SIRT3: variants seen among roughly 807,000 people sequenced by gnomAD.
SIRT3 encodes the protein sirtuin 3, also known as NAD-dependent protein deacetylase sirtuin-3, mitochondrial.
SIRT3 carries 26 observed loss-of-function variants against 33.5 expected under a neutral mutation model. The ratio of observed to expected loss-of-function variants is 0.78; its 90% confidence interval spans 0.57 to 1.08. The LOEUF (loss-of-function observed/expected upper bound fraction) is 1.08, where lower values mean the gene tolerates loss of function less well. Ranked by LOEUF, SIRT3 falls within the 50% of genes least tolerant of loss-of-function variation. SIRT3 has a pLI of 0.00. For missense variants in SIRT3, 585 were observed against 530.1 expected, an observed-to-expected ratio of 1.10 and a Z score of -1.02; for synonymous variants, 237 against 222.1, an observed-to-expected ratio of 1.07 and a Z score of -0.60.
Position 236,194 on chromosome 11 carries a change from A to G in SIRT3, c.135T>C (p.Asp45=), listed in dbSNP as rs1859071139. 1.9e-6 allele frequency: 3 copies of G among 1,561,220 alleles called. No homozygotes were observed. The highest frequency in any genetic ancestry group is 2.4e-5 in the East Asian group (1 of 41,334). Residue 45 remains aspartate (D), a synonymous_variant, in exon 1 of 7, where the codon GAT becomes GAC. Transcript: ENST00000382743. ...GCRLVLGGRD[D]VSAGLRGSHG... ...GGCTGCCTCTCAGCCCCGCACTCAC[A>G]TCGTCCCTGCCGCCAAGCACCAGCC...
In SIRT3 at chr11:233,548, A is replaced by G. The variant is rs754090978; in HGVS notation, c.282-14T>C. 1.2e-5 allele frequency: 20 copies of G among 1,613,020 alleles called. No homozygotes were observed. The East Asian group carries it at 2.9e-4, about 23-fold the overall frequency. ...CCACCTTTAATACTGACAGAAAAAA[A>G]CACAGCAGCAAAGGAAACAGATAGC... On this transcript the variant is annotated splice_polypyrimidine_tract_variant and intron_variant, in intron 1 of 6. Coordinates refer to ENST00000382743, the MANE Select transcript of SIRT3 (RefSeq NM_012239.6).
At chr11:232,039 T>C (rs968633461) in intron 3 of SIRT3, among the ~76,000 whole-genome samples, 8 of 152,246 alleles carry the variant, frequency 5.3e-5, no homozygotes, top group Non-Finnish European at 7.4e-5. Context: ...ACAGACTAAG[T>C]GTGACCATAT....
intron 4 of SIRT3, among the ~76,000 whole-genome samples, chr11:225,170 TC>T: frequency 6.6e-6 from 1 of 152,064 alleles, no homozygotes; most frequent in Non-Finnish European, 1.5e-5. Context: ...TCCCAGGACT[TC>T]GGGAGGCCGA....
chr11:235,204 CTT>C (rs11320697), intron 1 of SIRT3, among the ~76,000 whole-genome samples: 23,632 of 150,796 alleles, frequency 0.16, 2,337 homozygotes, highest in Middle Eastern at 0.22. Flanking sequence ...AAACTTTTTT[CTT>C]TTTTTTTTCC....
rs943010097 is a variant in SIRT3 at position 236,187 on chromosome 11, C to T, written c.142G>A (p.Ala48Thr). The T allele has an allele frequency of 1.7e-5, 27 of 1,563,146 alleles. No individual in the cohort carries two copies. The highest frequency in any genetic ancestry group is 2.3e-5 in the Non-Finnish European group (27 of 1,157,152). ...LVLGGRDDVSAGLRGSHGARG... is the reference protein window; with the variant it reads ...LVLGGRDDVSTGLRGSHGARG... Reference sequence around the variant, plus strand: ...GCCCCATGGCTGCCTCTCAGCCCCGCACTCACATCGTCCCTGCCGCCAAGC... The same window carrying T: ...GCCCCATGGCTGCCTCTCAGCCCCGTACTCACATCGTCCCTGCCGCCAAGC... The change falls in exon 1 of 7, where the codon GCG (alanine) becomes ACG (threonine). Residue 48 changes from alanine to threonine, a missense_variant. By Grantham distance (58) the Ala-to-Thr change is moderately conservative. Coordinates refer to ENST00000382743, the MANE Select transcript of SIRT3 (RefSeq NM_012239.6).
intron 1 of SIRT3, 127 bp downstream of exon 1, chr11:235,921 G>A (rs1030474094): frequency 9.7e-7 from 1 of 1,026,854 alleles, no homozygotes; most frequent in South Asian, 1.9e-5. Flanking sequence ...CATAAAGACG[G>A]AGGCCCCGGT....
At chr11:224,361 G>C in intron 4 of SIRT3, 122 bp from the exon 5 acceptor site, 1 of 1,022,630 alleles carries the variant, frequency 9.8e-7, no homozygotes, top group South Asian at 1.7e-5. Context: ...GAGGGATCAT[G>C]AACCCCCATG....
chr11:232,540 G>A (rs1175562809), intron 3 of SIRT3, among the ~76,000 whole-genome samples: 1 of 152,174 alleles, frequency 6.6e-6, no homozygotes, highest in African/African-American at 2.4e-5. Context: ...CTGGGGATTT[G>A]GAAGAAGGTG....
At chr11:235,390 G>A (rs1034624324) in intron 1 of SIRT3, among the ~76,000 whole-genome samples, 1 of 152,070 alleles carries the variant, frequency 6.6e-6, no homozygotes, top group Non-Finnish European at 1.5e-5. Flanking sequence ...ATTTTTGGTA[G>A]AGATGGGGGT....
At chr11:228,366 C>T (rs941338690) in intron 4 of SIRT3, among the ~76,000 whole-genome samples, 1 of 152,188 alleles carries the variant, frequency 6.6e-6, no homozygotes, top group Non-Finnish European at 1.5e-5. Flanking sequence ...ACTCACACTT[C>T]CTAATTTCAA....
At position 216,019 on chromosome 11, in the gene SIRT3, A is replaced by C. The variant is rs895511492; in HGVS notation, c.*679T>G. The C allele has an allele frequency of 2.0e-5, 3 of 152,714 alleles. No individual in the cohort carries two copies. The highest frequency in any genetic ancestry group is 7.2e-5 in the African/African-American group (3 of 41,438). The allele number at this position is 152,714 out of a possible 1,614,324, so 9.5% of individuals were successfully genotyped here. A position where few individuals can be genotyped will look rare whatever the true frequency, so the allele number is the denominator to read the frequency against. Reference sequence around the variant, plus strand: ...ACAGAATGTGACCACCTTCAGAGGGAGGAGCTGGGCCGTCTCCAATAAATC... The same window carrying C: ...ACAGAATGTGACCACCTTCAGAGGGCGGAGCTGGGCCGTCTCCAATAAATC... On this transcript the variant is annotated 3_prime_UTR_variant, in exon 7 of 7. Coordinates refer to ENST00000382743, the MANE Select transcript of SIRT3 (RefSeq NM_012239.6).
chr11:217,339 G>T (rs538415299), intron 6 of SIRT3, among the ~76,000 whole-genome samples: 11 of 152,288 alleles, frequency 7.2e-5, no homozygotes, highest in African/African-American at 2.4e-4. Context: ...AATCCCAGCT[G>T]CTCAGGAGGC....
chr11:235,909 A>T, intron 1 of SIRT3, 139 bp downstream of exon 1: 1 of 854,178 alleles, frequency 1.2e-6, no homozygotes. Context: ...TCCACAGATC[A>T]GCATAAAGAC....
rs11246009 is a variant in SIRT3 at position 223,733 on chromosome 11, T to A, written c.969+345A>T. 0.14 allele frequency: 115,592 copies of A among 818,558 alleles called. 11,662 individuals are homozygous for A. Among genetic ancestry groups the A allele is most frequent in the South Asian group, 0.33 (22,788 of 69,016 alleles). The allele number at this position is 818,558 out of a possible 1,614,324, so 50.7% of individuals were successfully genotyped here. On this transcript the variant is annotated intron_variant, in intron 5 of 6. Coordinates refer to ENST00000382743, the MANE Select transcript of SIRT3 (RefSeq NM_012239.6). The surrounding 1 kb of genome is among the most constrained non-coding windows in gnomAD (Gnocchi z 4.8). ...TGCACAGGCTGCTGCTCCCTCAGCC[T>A]GGAACCCCAGCTGAATCCATTCACC... is the stretch of plus-strand genomic sequence containing the variant.
At chr11:227,027 C>T (rs1277338109) in intron 4 of SIRT3, among the ~76,000 whole-genome samples, 10 of 151,606 alleles carry the variant, frequency 6.6e-5, no homozygotes, top group South Asian at 6.3e-4. Flanking sequence ...ACTGGGATTA[C>T]GGGCGTGAGC....
chr11:218,952 C>G lies in SIRT3; in HGVS notation c.1059G>C (p.Trp353Cys). ...INRDLVGPLA[W>C]HPRSRDVAQL... ...GGGCCACGTCCCTGCTGCGAGGATG[C>G]CAAGCCAAGGGCCCCACCAAGTCCC... Residue 353 changes from tryptophan (W) to cysteine (C), a missense_variant, in exon 6 of 7, where the codon TGG becomes TGC. Physicochemically the swap from Trp to Cys is radical, Grantham distance 215. Coordinates refer to ENST00000382743, the MANE Select transcript of SIRT3 (RefSeq NM_012239.6). 6.2e-7 allele frequency: 1 copy of G among 1,614,166 alleles called. No individual in the cohort carries two copies. The highest frequency in any genetic ancestry group is 8.5e-7 in the Non-Finnish European group (1 of 1,180,034).
intron 5 of SIRT3, among the ~76,000 whole-genome samples, chr11:219,800 T>C (rs6598071): frequency 0.79 from 119,121 of 151,552 alleles, 47,087 homozygotes; most frequent in African/African-American, 0.87. Context: ...GTTCTAGGCG[T>C]AAAAACTGAA....
At chr11:234,478 G>A (rs1858623949) in intron 1 of SIRT3, among the ~76,000 whole-genome samples, 1 of 151,888 alleles carries the variant, frequency 6.6e-6, no homozygotes, top group African/African-American at 2.4e-5. Flanking sequence ...GCAGTGTCGC[G>A]ATCTCGGCTC....
intron 1 of SIRT3, chr11:233,739 C>T (rs34700713): frequency 0.18 from 103,323 of 565,874 alleles, 10,701 homozygotes; most frequent in Middle Eastern, 0.23. Flanking sequence ...TCAAGACTTA[C>T]TTGGGAGCAA....
Sources: allele counts gnomAD v4.1 joint callset (sites outside exome capture counted in the v4.1 genomes callset), GRCh38; gene constraint gnomAD v4.1.1; non-coding constraint Gnocchi (gnomAD v3.1); transcripts MANE v1.5; gene names NCBI Gene and HGNC (gene_info 2026-07-23, HGNC 2026-07-21).